LAMA2: variants seen among roughly 807,000 people sequenced by gnomAD.
The protein encoded by LAMA2 is laminin subunit alpha 2, also known as laminin subunit alpha-2.
A neutral mutation model predicts 364.8 loss-of-function variants in LAMA2; 269 were observed. The ratio of observed to expected loss-of-function variants is 0.74; its 90% CI spans 0.67 to 0.82. LAMA2 has a LOEUF of 0.82. Among genes scored for constraint, LAMA2 ranks in the 40% least tolerant of loss-of-function variants. The probability of loss-of-function intolerance (pLI) is 0.00; values close to 1 mark genes in which losing one functional copy is unlikely to be tolerated. For synonymous variants in LAMA2, 1,379 were observed against 1,370.6 expected, an observed-to-expected ratio of 1.01 and a Z score of -0.14; for missense variants, 3,807 against 3,873.2, an observed-to-expected ratio of 0.98 and a Z score of 0.45.
At chr6:129,128,644 C>G (rs1436330504) in intron 4 of LAMA2, among the ~76,000 whole-genome samples, 1 of 152,158 alleles carries the variant, frequency 6.6e-6, no homozygotes, top group Non-Finnish European at 1.5e-5. Flanking sequence ...GATATCTTTC[C>G]ATTTATTCAT....
chr6:129,046,538 C>A (rs1330890213), intron 1 of LAMA2, among the ~76,000 whole-genome samples: 1 of 152,160 alleles, frequency 6.6e-6, no homozygotes, highest in Non-Finnish European at 1.5e-5. Context: ...CAAATACCTC[C>A]CAACGTGTCC....
At chr6:129,385,861 G>A (rs1466861304) in intron 35 of LAMA2, among the ~76,000 whole-genome samples, 1 of 152,006 alleles carries the variant, frequency 6.6e-6, no homozygotes, top group Non-Finnish European at 1.5e-5. Context: ...CCCATCAGAG[G>A]ATTTTGTTTT....
At chr6:129,327,372 T>G (rs1048855453) in intron 28 of LAMA2, among the ~76,000 whole-genome samples, 1 of 152,144 alleles carries the variant, frequency 6.6e-6, no homozygotes, top group Non-Finnish European at 1.5e-5. Context: ...GCAATCACTT[T>G]TCTTTCATCA....
chr6:129,024,382 C>CTTTTTTTT (rs202105513), intron 1 of LAMA2, among the ~76,000 whole-genome samples: 1 of 116,794 alleles, frequency 8.6e-6, no homozygotes, highest in African/African-American at 2.9e-5. Context: ...TCTTTTCTTT[C>CTTTTTTTT]TTTTTTTTTT....
chr6:129,060,647 C>T (rs11969657), intron 3 of LAMA2, among the ~76,000 whole-genome samples: 3,490 of 152,286 alleles, frequency 0.023, 133 homozygotes, highest in African/African-American at 0.08. Flanking sequence ...TGACAGACAC[C>T]ATACACTGTA....
Position 129,438,732 on chromosome 6 carries a change from A to C in LAMA2, c.6055A>C (p.Thr2019Pro). 2 of 1,599,976 alleles carry C rather than the reference A, an allele frequency of 1.3e-6. No homozygotes were observed. Among genetic ancestry groups the C allele is most frequent in the Non-Finnish European group, 1.7e-6 (2 of 1,167,552 alleles). Reference sequence around the variant, plus strand: ...GGATCTCTTGAGAACTTTGAATGACACTTTGGGAAAGTTATCAGCTATTCC... The same window carrying C: ...GGATCTCTTGAGAACTTTGAATGACCCTTTGGGAAAGTTATCAGCTATTCC... Reference protein sequence around the residue: ...NGDLLRTLNDTLGKLSAIPND... With the variant: ...NGDLLRTLNDPLGKLSAIPND... Residue 2019 changes from threonine (T) to proline (P), a missense_variant, in exon 42 of 65, where the codon ACT (threonine) becomes CCT (proline). Thr to Pro is a conservative substitution (Grantham distance 38, BLOSUM62 -1). Coordinates refer to ENST00000421865, the MANE Select transcript of LAMA2 (RefSeq NM_000426.4).
chr6:129,457,745 A>T (rs548354746), intron 48 of LAMA2, among the ~76,000 whole-genome samples: 3 of 152,244 alleles, frequency 2.0e-5, no homozygotes, highest in African/African-American at 7.2e-5. Flanking sequence ...TAGTTTATAA[A>T]TAAACAAACA....
chr6:129,082,510 A>G (rs1018601705), intron 3 of LAMA2, among the ~76,000 whole-genome samples: 10 of 152,156 alleles, frequency 6.6e-5, no homozygotes, highest in African/African-American at 2.4e-4. Context: ...AAACATTTAT[A>G]TATTTCTCTA....
intron 1 of LAMA2, among the ~76,000 whole-genome samples, chr6:128,911,485 C>T (rs1408978492): frequency 6.6e-6 from 1 of 152,110 alleles, no homozygotes; most frequent in Non-Finnish European, 1.5e-5. Context: ...AATGCCTCAC[C>T]CTGCTTCGGC....
At chr6:128,890,881 T>A (rs1776413892) in intron 1 of LAMA2, among the ~76,000 whole-genome samples, 3 of 152,088 alleles carry the variant, frequency 2.0e-5, no homozygotes, top group Admixed American at 2.0e-4. Flanking sequence ...AGAGCAAGAT[T>A]AATCTCAAAA....
At chr6:128,972,161 C>G (rs1782224484) in intron 1 of LAMA2, among the ~76,000 whole-genome samples, 1 of 152,144 alleles carries the variant, frequency 6.6e-6, no homozygotes, top group South Asian at 2.1e-4. Flanking sequence ...CTTTATTAAA[C>G]ATTAGATATT....
chr6:129,436,696 C>T (rs1411430390), intron 41 of LAMA2, among the ~76,000 whole-genome samples: 1 of 152,116 alleles, frequency 6.6e-6, no homozygotes, highest in Non-Finnish European at 1.5e-5. Flanking sequence ...CTTGTGAACA[C>T]TTGGCATTAT....
chr6:129,052,945 CACTT>C (rs71669820), intron 2 of LAMA2, among the ~76,000 whole-genome samples: 24,733 of 152,004 alleles, frequency 0.16, 2,352 homozygotes, highest in African/African-American at 0.26. Flanking sequence ...CAGCAATTGA[CACTT>C]GTTTGATTAA....
intron 1 of LAMA2, among the ~76,000 whole-genome samples, chr6:128,899,669 C>T (rs1456995502): frequency 6.6e-6 from 1 of 152,018 alleles, no homozygotes; most frequent in Non-Finnish European, 1.5e-5. Context: ...TCTACAAATA[C>T]TGAAACACAG....
intron 3 of LAMA2, among the ~76,000 whole-genome samples, chr6:129,090,231 C>G (rs1486636319): frequency 1.3e-5 from 2 of 152,108 alleles, no homozygotes; most frequent in Non-Finnish European, 2.9e-5. Flanking sequence ...TAACTCAGGA[C>G]CCCTCTTGTA....
At chr6:129,187,916 C>A (rs909541538) in intron 10 of LAMA2, among the ~76,000 whole-genome samples, 1 of 151,794 alleles carries the variant, frequency 6.6e-6, no homozygotes, top group Non-Finnish European at 1.5e-5. Flanking sequence ...AAACCTCCAA[C>A]TTTTAAAATG....
intron 22 of LAMA2, among the ~76,000 whole-genome samples, chr6:129,309,747 C>G (rs190402688): frequency 1.4e-3 from 214 of 152,192 alleles, no homozygotes; most frequent in Non-Finnish European, 2.0e-3. Flanking sequence ...AAGCTTTGTC[C>G]ATATTTATAA....
At chr6:129,213,868 T>C (rs1242206812) in intron 12 of LAMA2, among the ~76,000 whole-genome samples, 1 of 152,184 alleles carries the variant, frequency 6.6e-6, no homozygotes, top group Non-Finnish European at 1.5e-5. Flanking sequence ...TAATAAAATC[T>C]AAAATGAATT....
chr6:129,476,741 A>G (rs1784084238), intron 53 of LAMA2, among the ~76,000 whole-genome samples: 1 of 152,200 alleles, frequency 6.6e-6, no homozygotes, highest in Non-Finnish European at 1.5e-5. Flanking sequence ...TTCTCTGTGC[A>G]TTATGCAAGA....
Sources: allele counts gnomAD v4.1 joint callset (sites outside exome capture counted in the v4.1 genomes callset), GRCh38; gene constraint gnomAD v4.1.1; transcripts MANE v1.5; gene names NCBI Gene and HGNC (gene_info 2026-07-23, HGNC 2026-07-21).